The following SETD2 variants were observed in gnomAD, a reference collection of about 807,000 sequenced individuals.
SETD2 encodes histone-lysine N-methyltransferase SETD2.
SETD2 carries 31 observed loss-of-function variants against 242.1 expected under a neutral mutation model. That is an observed-to-expected ratio of 0.13 (90% CI 0.10 to 0.17). The LOEUF (loss-of-function observed/expected upper bound fraction) is 0.17, where lower values mean the gene tolerates loss of function less well. Among genes scored for constraint, SETD2 ranks in the 10% least tolerant of loss-of-function variants. The pLI, the probability that SETD2 is intolerant of heterozygous loss-of-function variation, is 1.00. For missense variants in SETD2, 2,481 were observed against 3,046.3 expected, an observed-to-expected ratio of 0.81 and a Z score of 4.37; for synonymous variants, 1,006 against 1,066.5, an observed-to-expected ratio of 0.94 and a Z score of 1.11.
At chr3:47,117,323 C>A (rs539540445) in intron 3 of SETD2, among the ~76,000 whole-genome samples, 59 of 147,332 alleles carry the variant, frequency 4.0e-4, no homozygotes, top group African/African-American at 1.4e-3. Flanking sequence ...TTAACCTTGG[C>A]AAATGGGGAA....
In SETD2 at chr3:47,124,410, T is replaced by C. The variant is rs2106727424; in HGVS notation, c.226A>G (p.Ser76Gly). The change falls in exon 3 of 21, where the codon AGC (serine) becomes GGC (glycine). Residue 76 changes from serine (S) to glycine (G), a missense_variant. Physicochemically the swap from Ser to Gly is moderately conservative, Grantham distance 56. Coordinates refer to ENST00000409792, the MANE Select transcript of SETD2 (RefSeq NM_014159.7). Reference protein sequence around the residue: ...EEQGRQKVSFSFSLTKKTLQN... With the variant: ...EEQGRQKVSFGFSLTKKTLQN... ...AAAGTTTTCTTTGTAAGGCTGAAGC[T>C]GAATGACACCTTCTGTCGTCCCTGT... 1 of 1,552,056 alleles carries C rather than the reference T, an allele frequency of 6.4e-7. No individual in the cohort carries two copies. Among genetic ancestry groups the C allele is most frequent in the Non-Finnish European group, 8.7e-7 (1 of 1,147,078 alleles).
intron 5 of SETD2, among the ~76,000 whole-genome samples, chr3:47,111,972 T>C (rs1354583079): frequency 1.3e-5 from 2 of 152,190 alleles, no homozygotes; most frequent in Non-Finnish European, 2.9e-5. Flanking sequence ...GAAAGAATAG[T>C]TATGTCTAAG....
chr3:47,090,828 C>T (rs1443781028), intron 9 of SETD2, among the ~76,000 whole-genome samples: 2 of 152,130 alleles, frequency 1.3e-5, no homozygotes, highest in African/African-American at 4.8e-5. Flanking sequence ...CAGAGAAAAG[C>T]AAGCTAAAAG....
intron 3 of SETD2, chr3:47,119,749 C>T (rs538107090): frequency 2.9e-5 from 13 of 453,010 alleles, no homozygotes; most frequent in Non-Finnish European, 4.6e-5. Flanking sequence ...AGCATGAAAA[C>T]GGACTAATAC....
At chr3:47,019,895 T>G in intron 18 of SETD2, 55 bp from the exon 19 acceptor site, 9 of 1,411,610 alleles carry the variant, frequency 6.4e-6, no homozygotes, top group Non-Finnish European at 8.0e-6. Context: ...AGTTTAGTGA[T>G]GCCCTACTGT....
rs1422694442 is a variant in SETD2, at chr3:47,122,993, T to A, written c.1643A>T (p.His548Leu). The A allele has an allele frequency of 6.8e-6, 11 of 1,613,938 alleles. No homozygotes were observed. Among genetic ancestry groups the A allele is most frequent in the Non-Finnish European group, 9.3e-6 (11 of 1,179,788 alleles). The change falls in exon 3 of 21, where the codon CAT (histidine) becomes CTT (leucine). Residue 548 changes from histidine (H) to leucine (L), a missense_variant. Physicochemically the swap from His to Leu is moderately conservative, Grantham distance 99. Coordinates refer to ENST00000409792, the MANE Select transcript of SETD2 (RefSeq NM_014159.7). ...TTTATAACGGGAAGCACTACTGTCA[T>A]GCTTAGAATATGATGACCCTCGTCG... is the stretch of plus-strand genomic sequence containing the variant. ...GFRRGSSYSK[H>L]DSSASRYKST...
intron 1 of SETD2, among the ~76,000 whole-genome samples, chr3:47,129,849 A>G (rs894435412): frequency 4.0e-5 from 6 of 151,836 alleles, no homozygotes; most frequent in African/African-American, 7.3e-5. Context: ...ATTGCACTCT[A>G]GCCTGGGCGA....
rs2043120290 is a variant in SETD2 at position 47,122,111 on chromosome 3, G to C, written c.2525C>G (p.Thr842Arg). Residue 842 changes from threonine (T) to arginine (R), a missense_variant, in exon 3 of 21, where the codon ACA becomes AGA. Transcript: ENST00000409792. Reference protein sequence around the residue: ...KPVICDSRNLTDHSKFACEEY... With the variant: ...KPVICDSRNLRDHSKFACEEY... ...TTCACATGCAAATTTTGAGTGATCT[G>C]TCAAATTTCTACTATCACATATAAC... 6.2e-7 allele frequency: 1 copy of C among 1,613,740 alleles called. No individual in the cohort carries two copies. Among genetic ancestry groups the C allele is most frequent in the Non-Finnish European group, 8.5e-7 (1 of 1,179,922 alleles).
chr3:47,075,272 T>TA (rs1196140112), intron 12 of SETD2, among the ~76,000 whole-genome samples: 1 of 151,648 alleles, frequency 6.6e-6, no homozygotes, highest in Non-Finnish European at 1.5e-5. Flanking sequence ...AAGAATGATC[T>TA]AAAAAGGCTG....
intron 5 of SETD2, among the ~76,000 whole-genome samples, chr3:47,110,010 T>G (rs952055932): frequency 2.0e-5 from 3 of 150,188 alleles, no homozygotes; most frequent in African/African-American, 7.3e-5. Flanking sequence ...AAGCCTCATT[T>G]GCCCAAATGT....
intron 12 of SETD2, among the ~76,000 whole-genome samples, chr3:47,080,514 A>C (rs1308635185): frequency 1.3e-5 from 2 of 152,174 alleles, no homozygotes; most frequent in East Asian, 1.9e-4. Context: ...GTCAAGTTAC[A>C]CTTAGTCACC....
At chr3:47,134,125 G>C (rs896034386) in intron 1 of SETD2, among the ~76,000 whole-genome samples, 5 of 152,070 alleles carry the variant, frequency 3.3e-5, no homozygotes, top group Non-Finnish European at 7.4e-5. Flanking sequence ...TTCACCATTA[G>C]GAAACCAGGA....
Position 47,083,292 on chromosome 3 carries a change from T to C in SETD2, c.6060+428A>G, listed in dbSNP as rs181668856. ...AAGTTGTTTTTCTAAAATAAAAATTTACATTCAATCATTTTTAGTAAGCTG... is the reference window on the plus strand; with the variant it reads ...AAGTTGTTTTTCTAAAATAAAAATTCACATTCAATCATTTTTAGTAAGCTG... On this transcript the variant is annotated intron_variant, in intron 12 of 20. Coordinates refer to ENST00000409792, the MANE Select transcript of SETD2 (RefSeq NM_014159.7). Among the ~76,000 whole-genome samples, 677 of 152,372 alleles carry C rather than the reference T, an allele frequency of 4.4e-3. 11 individuals are homozygous for C. The highest frequency in any genetic ancestry group is 0.037 in the Middle Eastern group (11 of 294).
rs2106675967 is a variant in SETD2, at chr3:47,122,345, G to A, written c.2291C>T (p.Pro764Leu). The A allele has an allele frequency of 6.2e-7, 1 of 1,614,126 alleles. No individual in the cohort carries two copies. Among genetic ancestry groups the A allele is most frequent in the Non-Finnish European group, 8.5e-7 (1 of 1,180,008 alleles). ...SPHQDKLMSM[P>L]VMTVDYSKTV... Reference sequence around the variant, plus strand: ...TTTGGAATAATCCACAGTCATAACTGGCATAGACATGAGTTTATCTTGGTG... The same window carrying A: ...TTTGGAATAATCCACAGTCATAACTAGCATAGACATGAGTTTATCTTGGTG... The change falls in exon 3 of 21, where the codon CCA (proline) becomes CTA (leucine). Residue 764 changes from proline to leucine, a missense_variant. By Grantham distance (98) the Pro-to-Leu change is moderately conservative. Coordinates refer to ENST00000409792, the MANE Select transcript of SETD2 (RefSeq NM_014159.7).
rs2043148260 is a variant in SETD2, at chr3:47,122,654, T to C, written c.1982A>G (p.Asp661Gly). 6.2e-7 allele frequency: 1 copy of C among 1,613,280 alleles called. No individual in the cohort carries two copies. Among genetic ancestry groups the C allele is most frequent in the Non-Finnish European group, 8.5e-7 (1 of 1,179,332 alleles). The change falls in exon 3 of 21, where the codon GAT becomes GGT. Residue 661 changes from aspartate (D) to glycine (G), a missense_variant. Physicochemically the swap from Asp to Gly is moderately conservative, Grantham distance 94. Coordinates refer to ENST00000409792, the MANE Select transcript of SETD2 (RefSeq NM_014159.7). ...ELDSLSKVKN[D>G]QLRSFCPIEL... ...TATGGGACAAAAACTTCTTAATTGA[T>C]CATTCTTCACTTTAGATAAAGAGTC... is the stretch of plus-strand genomic sequence containing the variant.
At chr3:47,098,131 C>T in intron 8 of SETD2, 50 bp from the exon 9 acceptor site, 1 of 1,602,648 alleles carries the variant, frequency 6.2e-7, no homozygotes, top group Non-Finnish European at 8.5e-7. Flanking sequence ...GTAAACCATA[C>T]AAAACTGTTG....
chr3:47,024,598 G>A (rs2038388023), intron 18 of SETD2, among the ~76,000 whole-genome samples: 2 of 152,230 alleles, frequency 1.3e-5, no homozygotes, highest in Non-Finnish European at 2.9e-5. Flanking sequence ...GTTGCAGTGA[G>A]ACCAGATCAC....
intron 7 of SETD2, among the ~76,000 whole-genome samples, chr3:47,102,913 A>G (rs947602601): frequency 2.0e-5 from 3 of 152,162 alleles, no homozygotes; most frequent in African/African-American, 7.2e-5. Flanking sequence ...CAAAATTAAA[A>G]TTTAGTTTTG....
Position 47,057,382 on chromosome 3 carries a change from A to G in SETD2, c.6402T>C (p.Ala2134=), listed in dbSNP as rs761551649. Residue 2134 remains alanine, a synonymous_variant, in exon 15 of 21, where the codon GCT becomes GCC. Coordinates refer to ENST00000409792, the MANE Select transcript of SETD2 (RefSeq NM_014159.7). The part of the protein sequence containing the change: ...LFEQEVAQRE[A]QKQQQQMQNL... ...TCTGCATCTGTTGCTGTTGTTTCTG[A>G]GCCTCCCGTTGAGCCACCTCTTGCT... 10 of 1,614,040 alleles carry G rather than the reference A, an allele frequency of 6.2e-6. No homozygotes were observed. Among genetic ancestry groups the G allele is most frequent in the Non-Finnish European group, 8.5e-6 (10 of 1,180,038 alleles).
Sources: gnomAD v4.1 joint callset for allele counts (sites outside exome capture counted in the v4.1 genomes callset) on GRCh38, gnomAD v4.1.1 for gene constraint, MANE v1.5 for transcripts, NCBI Gene and HGNC (gene_info 2026-07-23, HGNC 2026-07-21) for gene names.